RAB11FIP3: variants seen among roughly 807,000 people sequenced by gnomAD.
RAB11FIP3 encodes the protein rab11 family-interacting protein 3.
In RAB11FIP3, 17 loss-of-function variants were observed where a neutral mutation model predicts 77.8. The ratio of observed to expected loss-of-function variants is 0.22; its 90% CI spans 0.15 to 0.33. The LOEUF is 0.33. RAB11FIP3 is among the 10% of genes least tolerant of loss of function. The pLI is 1.00. For synonymous variants in RAB11FIP3, 437 were observed against 448.2 expected, an observed-to-expected ratio of 0.98 and a Z score of 0.31; for missense variants, 1,005 against 1,011.2, an observed-to-expected ratio of 0.99 and a Z score of 0.08.
intron 10 of RAB11FIP3, among the ~76,000 whole-genome samples, chr16:519,512 C>T (rs568018343): frequency 6.6e-6 from 1 of 152,378 alleles, no homozygotes; most frequent in East Asian, 1.9e-4. Flanking sequence ...CACAAAGGTC[C>T]TTCCTGCCCC....
At chr16:485,023 C>T (rs559742662) in intron 4 of RAB11FIP3, among the ~76,000 whole-genome samples, 2 of 152,172 alleles carry the variant, frequency 1.3e-5, no homozygotes, top group South Asian at 4.2e-4. Context: ...ACTTGCGCTT[C>T]CCGGGTGACT....
intron 9 of RAB11FIP3, among the ~76,000 whole-genome samples, chr16:516,603 G>A (rs562520409): frequency 3.3e-5 from 5 of 152,290 alleles, no homozygotes; most frequent in South Asian, 2.1e-4. Flanking sequence ...AGGGCCGGGC[G>A]CGGTGGCTCA....
intron 4 of RAB11FIP3, among the ~76,000 whole-genome samples, 172 bp downstream of exon 4, chr16:482,908 C>T (rs1308771203): frequency 2.6e-5 from 4 of 152,200 alleles, no homozygotes; most frequent in Admixed American, 6.5e-5. Flanking sequence ...GAGCCCACAC[C>T]GTCCTGCCCG....
chr16:497,460 T>A (rs2031232251), intron 6 of RAB11FIP3: 2 of 1,210,674 alleles, frequency 1.7e-6, no homozygotes, highest in Non-Finnish European at 2.1e-6. Flanking sequence ...TCTGCCTTTG[T>A]GTCTTTATCT....
At chr16:446,226 G>T (rs2141872012) in intron 1 of RAB11FIP3, among the ~76,000 whole-genome samples, 1 of 152,246 alleles carries the variant, frequency 6.6e-6, no homozygotes, top group Non-Finnish European at 1.5e-5. Flanking sequence ...CTGCACTCCA[G>T]CCTGGGCAGC....
intron 2 of RAB11FIP3, among the ~76,000 whole-genome samples, chr16:466,617 T>G (rs1044218598): frequency 1.3e-5 from 2 of 152,194 alleles, no homozygotes; most frequent in East Asian, 1.9e-4. Context: ...TGTGGCTGCC[T>G]GTGGTTGCCG....
intron 7 of RAB11FIP3, among the ~76,000 whole-genome samples, chr16:503,444 G>T (rs1226855016): frequency 6.6e-6 from 1 of 152,122 alleles, no homozygotes; most frequent in Non-Finnish European, 1.5e-5. Context: ...ATGGAGACGC[G>T]ACCTGGGGCA....
intron 9 of RAB11FIP3, among the ~76,000 whole-genome samples, chr16:513,414 T>G (rs77600158): frequency 6.6e-6 from 1 of 152,166 alleles, no homozygotes; most frequent in African/African-American, 2.4e-5. Context: ...AGACGAGGTC[T>G]TGCTGTGTTG....
rs780141211 is a variant in RAB11FIP3, at chr16:519,000, G to A, written c.1698G>A (p.Lys566=). The change falls in exon 10 of 14, where the codon AAG becomes AAA. Residue 566 remains lysine (K), a synonymous_variant. Coordinates refer to ENST00000262305, the MANE Select transcript of RAB11FIP3 (RefSeq NM_014700.4). The stretch of plus-strand genomic sequence containing the variant: ...TCCGGTCCTGCACGCCCTGTCTGAA[G>A]GCCAACATTGAGCGTCTGGAGGAGG... ...SELRSCTPCL[K]ANIERLEEEK... 2.5e-6 allele frequency: 4 copies of A among 1,613,600 alleles called. No individual in the cohort carries two copies. The South Asian group carries it at 3.3e-5, about 13-fold the overall frequency.
At position 520,504 on chromosome 16, in the gene RAB11FIP3, A is replaced by T. The variant is rs780815166; in HGVS notation, c.2062A>T (p.Ile688Phe). The change falls in exon 13 of 14, where the codon ATC (isoleucine) becomes TTC (phenylalanine). Residue 688 changes from isoleucine to phenylalanine, a missense_variant. Coordinates refer to ENST00000262305, the MANE Select transcript of RAB11FIP3 (RefSeq NM_014700.4). The stretch of plus-strand genomic sequence containing the variant: ...GCAGAACGAGGAGCTGAACGGGCAG[A>T]TCATTACCCTCAGCATCCAGGGCGC... Reference protein sequence around the residue: ...KEQNEELNGQIITLSIQGAKS... With the variant: ...KEQNEELNGQFITLSIQGAKS... 1.9e-6 allele frequency: 3 copies of T among 1,613,646 alleles called. No homozygotes were observed.
Position 472,231 on chromosome 16 carries a change from C to T in RAB11FIP3, c.903+842C>T, listed in dbSNP as rs1394923338. ...TGGTATTATACTCAGTTCCCTGTTC[C>T]GAGAAGCTGCCCCAGGGATTAGTCA... is the stretch of plus-strand genomic sequence containing the variant. On this transcript the variant is annotated intron_variant, in intron 3 of 13. Coordinates refer to ENST00000262305, the MANE Select transcript of RAB11FIP3 (RefSeq NM_014700.4). The surrounding 1 kb of genome is among the most constrained non-coding windows in gnomAD (Gnocchi z 4.1). 6.6e-6 allele frequency among the ~76,000 whole-genome samples: 1 copy of T among 152,196 alleles called. No homozygotes were observed. The highest frequency in any genetic ancestry group is 2.4e-5 in the African/African-American group (1 of 41,472).
At chr16:502,829 C>T (rs2031606119) in intron 6 of RAB11FIP3, 175 bp from the exon 7 acceptor site, 1 of 615,100 alleles carries the variant, frequency 1.6e-6, no homozygotes, top group Admixed American at 3.1e-5. Context: ...AGCCTGGGAC[C>T]TCCCCCTGTA....
intron 8 of RAB11FIP3, among the ~76,000 whole-genome samples, chr16:509,441 C>T (rs1381041940): frequency 6.6e-6 from 1 of 152,258 alleles, no homozygotes; most frequent in East Asian, 1.9e-4. Context: ...TGATCTTTGG[C>T]CATCTGTTCA....
At chr16:474,734 G>A (rs1171172463) in intron 3 of RAB11FIP3, 3 of 1,140,582 alleles carry the variant, frequency 2.6e-6, no homozygotes, top group Admixed American at 3.3e-5. Flanking sequence ...AGCTTAGGAA[G>A]CCAAAAACAA....
chr16:461,595 C>T lies in RAB11FIP3; in HGVS notation c.808+98C>T, dbSNP rs1463678286. On this transcript the variant is annotated intron_variant, in intron 2 of 13. Transcript: ENST00000262305. The surrounding 1 kb of genome is among the most constrained non-coding windows in gnomAD (Gnocchi z 4.5). ...ACCAGGCTCCTCGTGCTGACTCTAA[C>T]ATCTTTCCTTCTCCTTGAAGCCCCC... The T allele has an allele frequency of 3.0e-6, 3 of 988,660 alleles. No individual in the cohort carries two copies. Among genetic ancestry groups the T allele is most frequent in the African/African-American group, 3.2e-5 (2 of 61,736 alleles). 61.2% of individuals were successfully genotyped at this position (988,660 alleles called of 1,614,324 possible).
At chr16:441,368 G>A (rs1414482309) in intron 1 of RAB11FIP3, among the ~76,000 whole-genome samples, 1 of 152,166 alleles carries the variant, frequency 6.6e-6, no homozygotes, top group Non-Finnish European at 1.5e-5. Context: ...TGCTCTAGGA[G>A]TACACAGCAG....
chr16:443,673 C>T (rs1235505875), intron 1 of RAB11FIP3, among the ~76,000 whole-genome samples: 18 of 152,188 alleles, frequency 1.2e-4, no homozygotes, highest in Admixed American at 1.1e-3. Context: ...TCAAGCGATT[C>T]TCCTGCCTCA....
intron 2 of RAB11FIP3, among the ~76,000 whole-genome samples, chr16:469,834 C>G (rs1005615903): frequency 2.0e-5 from 3 of 151,066 alleles, no homozygotes; most frequent in African/African-American, 7.3e-5. Flanking sequence ...CTCCACTTTT[C>G]TTTTTTCTTC....
intron 1 of RAB11FIP3, among the ~76,000 whole-genome samples, chr16:460,960 C>A (rs553263260): frequency 5.9e-5 from 9 of 152,164 alleles, no homozygotes; most frequent in Admixed American, 3.9e-4. Flanking sequence ...CTGTCAGCAC[C>A]GCCCCTGTTG....
Sources: gnomAD v4.1 joint callset for allele counts (sites outside exome capture counted in the v4.1 genomes callset) on GRCh38, gnomAD v4.1.1 for gene constraint, Gnocchi (gnomAD v3.1) non-coding constraint, MANE v1.5 for transcripts, NCBI Gene and HGNC (gene_info 2026-07-23, HGNC 2026-07-21) for gene names.